LCP1: variants seen among roughly 807,000 people sequenced by gnomAD.
LCP1 encodes the protein plastin-2.
In LCP1, 23 loss-of-function variants were observed where a neutral mutation model predicts 72.0. That is an observed-to-expected ratio of 0.32 (90% CI 0.23 to 0.45). The LOEUF (loss-of-function observed/expected upper bound fraction) is 0.45. LCP1 is among the 20% of genes least tolerant of loss of function. The probability of loss-of-function intolerance (pLI) is 1.00; values close to 1 mark genes in which losing one functional copy is unlikely to be tolerated. For missense variants in LCP1, 571 were observed against 748.3 expected (o/e 0.76, Z 2.76); for synonymous variants, 245 against 275.4 (o/e 0.89, Z 1.09).
chr13:46,134,913 G>A (rs968713546), intron 13 of LCP1, among the ~76,000 whole-genome samples: 6 of 151,936 alleles, frequency 3.9e-5, no homozygotes, highest in African/African-American at 1.5e-4. Flanking sequence ...AGACCTGCCT[G>A]GGAAACATAA....
At chr13:46,159,332 GAAGAC>G in intron 2 of LCP1, 1 of 537,996 alleles carries the variant, frequency 1.9e-6, no homozygotes, top group Non-Finnish European at 3.3e-6. Flanking sequence ...CAGCAAAACA[GAAGAC>G]AAGATATAAA....
At chr13:46,178,105 C>T (rs190329188) in intron 1 of LCP1, among the ~76,000 whole-genome samples, 7 of 152,106 alleles carry the variant, frequency 4.6e-5, no homozygotes, top group East Asian at 3.9e-4. Flanking sequence ...AAATAAAATA[C>T]GTGAATGAAT....
intron 15 of LCP1, among the ~76,000 whole-genome samples, chr13:46,128,239 A>G (rs560926564): frequency 1.3e-5 from 2 of 152,116 alleles, no homozygotes; most frequent in South Asian, 4.1e-4. Context: ...TGCTAGGAAA[A>G]GTTTGCAGAC....
At chr13:46,162,255 C>T (rs1273295271) in intron 1 of LCP1, among the ~76,000 whole-genome samples, 1 of 104,034 alleles carries the variant, frequency 9.6e-6, no homozygotes, top group Non-Finnish European at 2.0e-5. Flanking sequence ...CTCTCCCTCC[C>T]CCTCCCCCTC....
intron 13 of LCP1, among the ~76,000 whole-genome samples, chr13:46,135,136 AC>A (rs2045657456): frequency 1.4e-5 from 2 of 147,704 alleles, no homozygotes; most frequent in Non-Finnish European, 3.0e-5. Flanking sequence ...AAAAAAAAAA[AC>A]CCACACTGTC....
At chr13:46,148,649 G>A (rs1416726189) in intron 8 of LCP1, 3 of 520,592 alleles carry the variant, frequency 5.8e-6, no homozygotes, top group African/African-American at 1.9e-5. Flanking sequence ...TTTTTAAAAG[G>A]AGCGTAACAA....
At chr13:46,143,231 T>C (rs575168478) in intron 12 of LCP1, 59 bp downstream of exon 12, 1 of 1,124,606 alleles carries the variant, frequency 8.9e-7, no homozygotes, top group South Asian at 1.3e-5. Flanking sequence ...GTATTTAGAG[T>C]GCTCTTGCAG....
At chr13:46,132,590 C>G (rs972640076) in intron 14 of LCP1, among the ~76,000 whole-genome samples, 4 of 152,198 alleles carry the variant, frequency 2.6e-5, no homozygotes, top group African/African-American at 9.6e-5. Flanking sequence ...ATATCTAGAG[C>G]TCCTTTCAAC....
At chr13:46,143,091 T>C (rs2045708006) in intron 12 of LCP1, among the ~76,000 whole-genome samples, 199 bp downstream of exon 12, 1 of 152,244 alleles carries the variant, frequency 6.6e-6, no homozygotes, top group Non-Finnish European at 1.5e-5. Context: ...ACATCCAACA[T>C]GGAATTATAA....
chr13:46,128,334 C>A (rs1003231151), intron 15 of LCP1, among the ~76,000 whole-genome samples: 1 of 152,160 alleles, frequency 6.6e-6, no homozygotes, highest in African/African-American at 2.4e-5. Flanking sequence ...CGCGGTGGCT[C>A]ACGCCTGTAA....
chr13:46,159,539 AC>A, intron 2 of LCP1, 59 bp downstream of exon 2: 1 of 1,348,506 alleles, frequency 7.4e-7, no homozygotes, highest in South Asian at 1.2e-5. Flanking sequence ...CATTGAATCT[AC>A]CCTGAAGCTA....
Position 46,147,110 on chromosome 13 carries a change from T to A in LCP1, c.979-7A>T. The stretch of plus-strand genomic sequence containing the variant: ...TCTGGATGTCATCCTTCTCCTGCAA[T>A]GCAAAAGGATGTCTCAGGGCTGGGT... On this transcript the variant is annotated splice_region_variant and splice_polypyrimidine_tract_variant and intron_variant, in intron 9 of 15. Transcript: ENST00000323076. The A allele has an allele frequency of 6.4e-7, 1 of 1,567,218 alleles. No individual in the cohort carries two copies. Among genetic ancestry groups the A allele is most frequent in the Non-Finnish European group, 8.6e-7 (1 of 1,159,870 alleles).
At chr13:46,151,694 A>G (rs1195593403) in intron 7 of LCP1, among the ~76,000 whole-genome samples, 1 of 152,160 alleles carries the variant, frequency 6.6e-6, no homozygotes, top group Non-Finnish European at 1.5e-5. Context: ...CCTTCTTTAT[A>G]TTATGTTTAA....
intron 1 of LCP1, among the ~76,000 whole-genome samples, chr13:46,172,948 G>C (rs576689886): frequency 2.0e-5 from 3 of 152,278 alleles, no homozygotes; most frequent in African/African-American, 7.2e-5. Flanking sequence ...GGAACCTCTG[G>C]AGTCTTAGTT....
At chr13:46,141,426 A>AAG in intron 13 of LCP1, among the ~76,000 whole-genome samples, 1 of 150,298 alleles carries the variant, frequency 6.7e-6, no homozygotes, top group African/African-American at 2.4e-5. Context: ...AAAAAAAAAA[A>AAG]GAAACAACAA....
chr13:46,158,955 C>T lies in LCP1; in HGVS notation c.99G>A (p.Glu33=). Residue 33 remains glutamate (E), a synonymous_variant, in exon 3 of 16, where the codon GAG becomes GAA. Coordinates refer to ENST00000323076, the MANE Select transcript of LCP1 (RefSeq NM_002298.5). ...AAGCAGCCTTGAACAAGTCATTCAA[C>T]TCATTGAAGCTGATGTATCCATTGC... ...TDGNGYISFN[E]LNDLFKAACL... is the part of the protein sequence containing the mutation. 4 of 1,614,114 alleles carry T rather than the reference C, an allele frequency of 2.5e-6. No homozygotes were observed. The highest frequency in any genetic ancestry group is 2.2e-5 in the East Asian group (1 of 44,878).
Position 46,151,476 on chromosome 13 carries a change from T to G in LCP1, c.740-398A>C, listed in dbSNP as rs535408166. Among the ~76,000 whole-genome samples the G allele has an allele frequency of 3.3e-5, 5 of 152,342 alleles. No individual in the cohort carries two copies. The East Asian group carries it at 9.6e-4, about 29-fold the overall frequency. On this transcript the variant is annotated intron_variant, in intron 7 of 15. Transcript: ENST00000323076. ...CAATTTTGTAATAATAACAATGTTCTCTTGTCTATTCCCATAGGTGTTTTA... is the reference window on the plus strand; with the variant it reads ...CAATTTTGTAATAATAACAATGTTCGCTTGTCTATTCCCATAGGTGTTTTA...
At chr13:46,176,557 T>C (rs149298682) in intron 1 of LCP1, among the ~76,000 whole-genome samples, 4 of 152,342 alleles carry the variant, frequency 2.6e-5, no homozygotes, top group East Asian at 3.9e-4. Flanking sequence ...TGTATCCTTT[T>C]ACTTCACACA....
chr13:46,152,981 G>T, intron 6 of LCP1, 36 bp from the exon 7 acceptor site: 2 of 1,581,768 alleles, frequency 1.3e-6, no homozygotes, highest in South Asian at 2.3e-5. Context: ...TTTGTTCTAT[G>T]ACTTTGTAGA....
Sources: gnomAD v4.1 joint callset for allele counts (sites outside exome capture counted in the v4.1 genomes callset) on GRCh38, gnomAD v4.1.1 for gene constraint, MANE v1.5 for transcripts, NCBI Gene and HGNC (gene_info 2026-07-23, HGNC 2026-07-21) for gene names.